ATP9B: variants seen among roughly 807,000 people sequenced by gnomAD.
The protein encoded by ATP9B is probable phospholipid-transporting ATPase IIB.
In ATP9B, 110 loss-of-function variants were observed where a neutral mutation model predicts 146.1. That is an observed-to-expected ratio of 0.75 (90% CI 0.65 to 0.88). The LOEUF (loss-of-function observed/expected upper bound fraction) is 0.88. Among genes scored for constraint, ATP9B ranks in the 40% least tolerant of loss-of-function variants. The pLI, the probability that ATP9B is intolerant of heterozygous loss-of-function variation, is 0.00. For missense variants in ATP9B, 1,499 were observed against 1,496.4 expected (o/e 1.00, Z -0.03); for synonymous variants, 604 against 569.7 (o/e 1.06, Z -0.86).
intron 17 of ATP9B, among the ~76,000 whole-genome samples, chr18:79,332,635 A>G (rs2096797845): frequency 1.3e-5 from 2 of 152,132 alleles, no homozygotes. Flanking sequence ...CAGGAGGGGC[A>G]AGCTCACTCC....
intron 5 of ATP9B, among the ~76,000 whole-genome samples, chr18:79,128,703 A>C (rs1289943208): frequency 6.6e-6 from 1 of 152,174 alleles, no homozygotes; most frequent in Non-Finnish European, 1.5e-5. Flanking sequence ...CTGGTGTATT[A>C]ATTGTATTAT....
At chr18:79,375,231 T>G (rs2097096162) in intron 28 of ATP9B, among the ~76,000 whole-genome samples, 163 bp from the exon 29 acceptor site, 1 of 152,226 alleles carries the variant, frequency 6.6e-6, no homozygotes, top group South Asian at 2.1e-4. Context: ...AGTTGTATGG[T>G]ATCAGGCAGG....
chr18:79,366,129 G>A (rs934282860), intron 26 of ATP9B, among the ~76,000 whole-genome samples: 16 of 152,244 alleles, frequency 1.1e-4, no homozygotes, highest in Non-Finnish European at 2.4e-4. Flanking sequence ...ACACCTGGGA[G>A]GTGCAGAACT....
chr18:79,148,998 T>C (rs2094638497), intron 6 of ATP9B, among the ~76,000 whole-genome samples: 1 of 151,288 alleles, frequency 6.6e-6, no homozygotes, highest in African/African-American at 2.5e-5. Flanking sequence ...TGCTGAAACT[T>C]ACAATGTGTT....
intron 9 of ATP9B, among the ~76,000 whole-genome samples, chr18:79,206,287 A>T (rs2095532884): frequency 6.6e-6 from 1 of 152,278 alleles, no homozygotes; most frequent in South Asian, 2.1e-4. Flanking sequence ...TACATTTTTA[A>T]AATATATGTT....
At chr18:79,327,649 G>GCT (rs1206305058) in intron 15 of ATP9B, among the ~76,000 whole-genome samples, 4 of 144,966 alleles carry the variant, frequency 2.8e-5, no homozygotes, top group African/African-American at 1.0e-4. Flanking sequence ...TGGTTAGCAT[G>GCT]CTCTCCGTGT....
At chr18:79,182,467 C>G (rs768771645) in intron 8 of ATP9B, among the ~76,000 whole-genome samples, 3 of 152,174 alleles carry the variant, frequency 2.0e-5, no homozygotes, top group Non-Finnish European at 4.4e-5. Flanking sequence ...CTCCTAAATT[C>G]AGAACAGCTG....
chr18:79,292,045 C>T (rs7240230), intron 13 of ATP9B, among the ~76,000 whole-genome samples: 66,471 of 152,092 alleles, frequency 0.44, 14,750 homozygotes, highest in Middle Eastern at 0.54. Context: ...CTGGTTCATT[C>T]GTATTGTAGT....
In ATP9B at chr18:79,348,125, T is replaced by C. The variant is rs780579382; in HGVS notation, c.2839-7T>C. The stretch of plus-strand genomic sequence containing the variant: ...CAGTTGTCTTCGTCTGTGGGCTCTC[T>C]CTCCAGGCTGTGTTTTCCTCAGTCT... On this transcript the variant is annotated splice_polypyrimidine_tract_variant and splice_region_variant and intron_variant, in intron 24 of 29. Coordinates refer to ENST00000426216, the MANE Select transcript of ATP9B (RefSeq NM_198531.5). The C allele has an allele frequency of 1.9e-6, 3 of 1,613,918 alleles. 1 individual carries two copies. Among genetic ancestry groups the C allele is most frequent in the South Asian group, 2.2e-5 (2 of 91,072 alleles).
At chr18:79,314,394 C>A (rs2096668426) in intron 15 of ATP9B, among the ~76,000 whole-genome samples, 1 of 152,172 alleles carries the variant, frequency 6.6e-6, no homozygotes, top group Non-Finnish European at 1.5e-5. Flanking sequence ...AACAATCTTT[C>A]TCCTTACCTA....
intron 1 of ATP9B, among the ~76,000 whole-genome samples, chr18:79,078,499 A>G (rs1599354659): frequency 6.6e-6 from 1 of 152,310 alleles, no homozygotes; most frequent in Admixed American, 6.5e-5. Flanking sequence ...CATCTACTCC[A>G]TCTTGGTCTA....
chr18:79,201,636 T>A (rs895469877), intron 9 of ATP9B, among the ~76,000 whole-genome samples: 2 of 152,138 alleles, frequency 1.3e-5, no homozygotes, highest in Non-Finnish European at 2.9e-5. Flanking sequence ...AGTGGCGTGA[T>A]CTCGGCTCAC....
At chr18:79,099,428 G>A (rs2075087032) in intron 2 of ATP9B, among the ~76,000 whole-genome samples, 1 of 152,082 alleles carries the variant, frequency 6.6e-6, no homozygotes, top group Non-Finnish European at 1.5e-5. Context: ...TGCCAAGTTG[G>A]CAAGCTGGTC....
At chr18:79,280,616 G>A (rs62102770) in intron 13 of ATP9B, among the ~76,000 whole-genome samples, 2,805 of 152,204 alleles carry the variant, frequency 0.018, 37 homozygotes, top group South Asian at 0.052. Flanking sequence ...CAGAAGATTT[G>A]AATAGCATAA....
At chr18:79,146,595 C>T (rs1284604264) in intron 6 of ATP9B, 3 of 238,324 alleles carry the variant, frequency 1.3e-5, no homozygotes, top group Non-Finnish European at 2.5e-5. Flanking sequence ...ACTGAAGGTC[C>T]ATGCTGCGTG....
chr18:79,167,566 G>A (rs1055331137), intron 7 of ATP9B, among the ~76,000 whole-genome samples: 11 of 152,114 alleles, frequency 7.2e-5, no homozygotes, highest in African/African-American at 1.4e-4. Flanking sequence ...GAGGGGACCC[G>A]GAGTGGGTAG....
chr18:79,070,674 G>A (rs944100831), intron 1 of ATP9B, among the ~76,000 whole-genome samples: 1 of 146,814 alleles, frequency 6.8e-6, no homozygotes, highest in African/African-American at 2.5e-5. Context: ...TTTGCCTCAT[G>A]TACTTTGAAG....
chr18:79,233,216 CG>C (rs2095808700), intron 11 of ATP9B, among the ~76,000 whole-genome samples: 1 of 151,900 alleles, frequency 6.6e-6, no homozygotes, highest in African/African-American at 2.4e-5. Flanking sequence ...CACTTGAACC[CG>C]GAAGGCAGAG....
intron 4 of ATP9B, among the ~76,000 whole-genome samples, chr18:79,120,226 A>G (rs928451096): frequency 5.3e-5 from 8 of 152,300 alleles, no homozygotes; most frequent in Admixed American, 3.3e-4. Flanking sequence ...CTAAGGTTCT[A>G]TAATGTTCTC....
Sources: gnomAD v4.1 joint callset for allele counts (sites outside exome capture counted in the v4.1 genomes callset) on GRCh38, gnomAD v4.1.1 for gene constraint, MANE v1.5 for transcripts, NCBI Gene and HGNC (gene_info 2026-07-23, HGNC 2026-07-21) for gene names.